Variants in IGFL2 observed in about 807,000 individuals in gnomAD.
IGFL2 encodes insulin growth factor-like family member 2.
IGFL2 carries 7 observed loss-of-function variants against 13.9 expected under a neutral mutation model. The ratio of observed to expected loss-of-function variants is 0.51; its 90% CI spans 0.29 to 0.95. The LOEUF is 0.95. Ranked by LOEUF, IGFL2 falls within the 40% of genes least tolerant of loss-of-function variation. The pLI is 0.08. For missense variants in IGFL2, 138 were observed against 147.8 expected (o/e 0.93, Z 0.34); for synonymous variants, 55 against 55.8 (o/e 0.99, Z 0.07).
downstream of IGFL2, among the ~76,000 whole-genome samples, chr19:46,162,674 A>C (rs1424550872): frequency 6.6e-6 from 1 of 151,972 alleles, no homozygotes; most frequent in Non-Finnish European, 1.5e-5. Context: ...TATACCAGCT[A>C]TTTTGTCCTT....
chr19:46,189,646 A>G, the IGFL2 span: 1 of 152,284 alleles, frequency 6.6e-6, no homozygotes, highest in Admixed American at 6.5e-5. Context: ...TCGGGGCATA[A>G]TAGAAGGCTC....
chr19:46,082,060 T>C, the IGFL2 span, among the ~76,000 whole-genome samples: 1 of 152,244 alleles, frequency 6.6e-6, no homozygotes, highest in Non-Finnish European at 1.5e-5. Context: ...CACTTCTACA[T>C]TGGCTGTTTC....
chr19:46,168,991 T>G, the IGFL2 span, among the ~76,000 whole-genome samples: 3 of 151,880 alleles, frequency 2.0e-5, no homozygotes, highest in South Asian at 2.1e-4. Context: ...AACTATGTGT[T>G]TGTTTGCCCA....
the IGFL2 span, among the ~76,000 whole-genome samples, chr19:46,191,945 G>T: frequency 6.6e-6 from 1 of 151,740 alleles, no homozygotes; most frequent in Non-Finnish European, 1.5e-5. Flanking sequence ...TTTCTTCTTG[G>T]CATAGCTTGT....
At chr19:46,186,134 G>A in the IGFL2 span, among the ~76,000 whole-genome samples, 1 of 152,116 alleles carries the variant, frequency 6.6e-6, no homozygotes, top group African/African-American at 2.4e-5. Flanking sequence ...CAGGAGGCTC[G>A]CCCCAAATTT....
At chr19:46,214,448 G>A in the IGFL2 span, 1 of 152,242 alleles carries the variant, frequency 6.6e-6, no homozygotes, top group East Asian at 1.9e-4. Flanking sequence ...TGGACAGACG[G>A]CCACCAGAGG....
At chr19:46,156,458 A>G (rs985935646) in intron 1 of IGFL2, among the ~76,000 whole-genome samples, 2 of 152,204 alleles carry the variant, frequency 1.3e-5, no homozygotes, top group Non-Finnish European at 2.9e-5. Flanking sequence ...TTAACAGAGT[A>G]AGTTGTCTGA....
chr19:46,181,290 A>G, the IGFL2 span: 5 of 152,218 alleles, frequency 3.3e-5, no homozygotes, highest in Non-Finnish European at 7.3e-5. Flanking sequence ...ACTTGCAGAC[A>G]AGGGAAACTG....
At chr19:46,134,032 G>A in the IGFL2 span, among the ~76,000 whole-genome samples, 1 of 152,150 alleles carries the variant, frequency 6.6e-6, no homozygotes, top group Non-Finnish European at 1.5e-5. Context: ...CAGGGGTAGG[G>A]TATGCAGGCT....
the IGFL2 span, chr19:46,112,997 A>G: frequency 6.6e-6 from 1 of 152,264 alleles, no homozygotes. Context: ...GAGAAAAGAA[A>G]AAGTCTATTA....
chr19:46,128,445 G>C, the IGFL2 span, among the ~76,000 whole-genome samples: 1 of 152,138 alleles, frequency 6.6e-6, no homozygotes, highest in Non-Finnish European at 1.5e-5. Flanking sequence ...AATTCTTCCA[G>C]CTTTTGCCCA....
intron 1 of IGFL2, among the ~76,000 whole-genome samples, chr19:46,151,954 A>C (rs1568426485): frequency 6.6e-6 from 1 of 152,210 alleles, no homozygotes; most frequent in African/African-American, 2.4e-5. Context: ...CTATAGATCA[A>C]TTTGGGATTT....
At chr19:46,161,959 T>C (rs533026277), downstream of IGFL2, among the ~76,000 whole-genome samples, 3 of 152,382 alleles carry the variant, frequency 2.0e-5, no homozygotes, top group Admixed American at 2.0e-4. Flanking sequence ...GGTTGTGGTC[T>C]TTCCTTCTAT....
the IGFL2 span, among the ~76,000 whole-genome samples, chr19:46,183,592 A>T: frequency 2.5e-4 from 37 of 150,316 alleles, no homozygotes; most frequent in Admixed American, 1.8e-3. Flanking sequence ...CTGCAGTACA[A>T]TGGGGTGATC....
the IGFL2 span, among the ~76,000 whole-genome samples, chr19:46,116,748 T>G: frequency 6.6e-6 from 1 of 152,232 alleles, no homozygotes; most frequent in Non-Finnish European, 1.5e-5. Context: ...TTCTAATTCA[T>G]GTAACGGAGT....
the IGFL2 span, among the ~76,000 whole-genome samples, chr19:46,183,735 G>T: frequency 6.6e-6 from 1 of 152,038 alleles, no homozygotes; most frequent in South Asian, 2.1e-4. Flanking sequence ...GAAGTTTCAT[G>T]ATGTTGGCCA....
chr19:46,128,747 G>A, the IGFL2 span, among the ~76,000 whole-genome samples: 11 of 152,208 alleles, frequency 7.2e-5, no homozygotes, highest in East Asian at 1.7e-3. Context: ...TCAGTTTGCC[G>A]GGATTTCTTG....
intron 1 of IGFL2, 62 bp from the exon 2 acceptor site, chr19:46,160,353 T>C: frequency 6.9e-7 from 1 of 1,454,956 alleles, no homozygotes; most frequent in Non-Finnish European, 9.5e-7. Flanking sequence ...CTGCCCTCCC[T>C]GAGATCAACC....
At chr19:46,153,289 A>G (rs1433197454) in intron 1 of IGFL2, among the ~76,000 whole-genome samples, 1 of 152,118 alleles carries the variant, frequency 6.6e-6, no homozygotes, top group Non-Finnish European at 1.5e-5. Flanking sequence ...CTGGATGGGC[A>G]TTTCCCGTGT....
Sources: gnomAD v4.1 joint callset for allele counts (sites outside exome capture counted in the v4.1 genomes callset) on GRCh38, gnomAD v4.1.1 for gene constraint, MANE v1.5 for transcripts, NCBI Gene and HGNC (gene_info 2026-07-23, HGNC 2026-07-21) for gene names.